Variants in DST observed in about 807,000 individuals in gnomAD.
DST encodes the protein dystonin.
Under a neutral mutation model 875.2 loss-of-function variants are expected in DST, and 253 were observed. That is an observed-to-expected ratio of 0.29 (90% confidence interval 0.26 to 0.32). The LOEUF is 0.32. Ranked by LOEUF, DST falls within the 10% of genes least tolerant of loss-of-function variation. The pLI, the probability that DST is intolerant of heterozygous loss-of-function variation, is 1.00. For missense variants in DST, 8,287 were observed against 9,111.6 expected, an observed-to-expected ratio of 0.91 and a Z score of 3.68; for synonymous variants, 3,124 against 3,197.1, an observed-to-expected ratio of 0.98 and a Z score of 0.77.
At chr6:56,698,201 C>T (rs1053661040) in intron 9 of DST, among the ~76,000 whole-genome samples, 1 of 152,154 alleles carries the variant, frequency 6.6e-6, no homozygotes, top group Non-Finnish European at 1.5e-5. Context: ...CCTAGACCTA[C>T]CTAGACTCTG....
chr6:56,867,042 C>G (rs559704474), intron 3 of DST, among the ~76,000 whole-genome samples: 199 of 152,288 alleles, frequency 1.3e-3, no homozygotes, highest in Non-Finnish European at 1.9e-3. Context: ...AGTCTCACAA[C>G]CCACAGTTAA....
Position 56,640,586 on chromosome 6 carries a change from C to T in DST, c.2047G>A (p.Glu683Lys), listed in dbSNP as rs781004024. 1.2e-5 allele frequency: 20 copies of T among 1,613,994 alleles called. No homozygotes were observed. The highest frequency in any genetic ancestry group is 4.0e-5 in the African/African-American group (3 of 74,910). The change falls in exon 18 of 104, where the codon GAA becomes AAA. Residue 683 changes from glutamate (E) to lysine (K), a missense_variant. Around this residue, in one of 10 missense-constraint regions of DST, gnomAD observed 1,160 missense variants for 1,424.3 expected, o/e 0.81. Transcript: ENST00000680361. ...LVQRVAKLRD[E>K]IMALRNECSS... ...CATTCGTTCCTTAAGGCCATAATTT[C>T]GTCACGCAGTTTTGCAACCCTGAAA...
At chr6:56,717,594 A>G (rs547704498) in intron 5 of DST, among the ~76,000 whole-genome samples, 7 of 152,348 alleles carry the variant, frequency 4.6e-5, no homozygotes, top group East Asian at 3.9e-4. Context: ...TCCTGCAGAT[A>G]GCATCACTAT....
intron 64 of DST, among the ~76,000 whole-genome samples, chr6:56,530,482 G>C (rs2096877305): frequency 6.6e-6 from 1 of 152,152 alleles, no homozygotes; most frequent in Non-Finnish European, 1.5e-5. Context: ...CACATATTCT[G>C]TGCCAGGCCC....
chr6:56,531,160 T>TC (rs1349053231), intron 64 of DST, among the ~76,000 whole-genome samples: 3 of 152,200 alleles, frequency 2.0e-5, no homozygotes, highest in African/African-American at 7.2e-5. Context: ...TGACCTTTTC[T>TC]TCTAAATTCA....
At chr6:56,569,640 CCTT>C (rs2097751304) in intron 54 of DST, among the ~76,000 whole-genome samples, 1 of 152,082 alleles carries the variant, frequency 6.6e-6, no homozygotes, top group Non-Finnish European at 1.5e-5. Context: ...CATTAATTCA[CCTT>C]TTTTTAAAAA....
At chr6:56,568,332 G>C in intron 55 of DST, 137 bp downstream of exon 55, 2 of 871,488 alleles carry the variant, frequency 2.3e-6, no homozygotes, top group Non-Finnish European at 3.4e-6. Context: ...TGTGCTTACA[G>C]ATGCCATGTT....
chr6:56,680,862 T>C (rs2099153758), intron 9 of DST, among the ~76,000 whole-genome samples: 1 of 152,194 alleles, frequency 6.6e-6, no homozygotes, highest in Non-Finnish European at 1.5e-5. Flanking sequence ...ACACTTCTAT[T>C]GCAATAGTAA....
At chr6:56,742,302 G>T in intron 4 of DST, 1 of 1,289,720 alleles carries the variant, frequency 7.8e-7, no homozygotes, top group Non-Finnish European at 1.0e-6. Flanking sequence ...CCAGCTTTGC[G>T]TTCCAATCTT....
intron 32 of DST, among the ~76,000 whole-genome samples, 154 bp from the exon 33 acceptor site, chr6:56,628,315 C>T (rs1363020191): frequency 6.6e-6 from 1 of 152,206 alleles, no homozygotes; most frequent in Admixed American, 6.5e-5. Flanking sequence ...CACCCTGAGG[C>T]ACACCCCCAA....
intron 8 of DST, 57 bp downstream of exon 8, chr6:56,701,831 C>A: frequency 3.7e-6 from 4 of 1,079,642 alleles, no homozygotes; most frequent in South Asian, 1.4e-5. Context: ...CATGTTTCTA[C>A]GTGGATGTAT....
intron 10 of DST, among the ~76,000 whole-genome samples, chr6:56,659,321 C>A (rs770456807): frequency 1.3e-5 from 2 of 152,090 alleles, no homozygotes; most frequent in Non-Finnish European, 2.9e-5. Flanking sequence ...AAGAAAAAGT[C>A]CAACAGGCAA....
At chr6:56,758,544 G>A (rs567980877) in intron 4 of DST, among the ~76,000 whole-genome samples, 5 of 152,286 alleles carry the variant, frequency 3.3e-5, no homozygotes, top group African/African-American at 9.6e-5. Context: ...TACAAGGGGG[G>A]CAGGTTGCTG....
At chr6:56,829,621 T>G (rs2099784771) in intron 4 of DST, among the ~76,000 whole-genome samples, 1 of 152,172 alleles carries the variant, frequency 6.6e-6, no homozygotes. Context: ...ATGAGATGTA[T>G]GCCATAAACA....
intron 4 of DST, among the ~76,000 whole-genome samples, chr6:56,735,622 C>T (rs949213068): frequency 1.3e-5 from 2 of 151,894 alleles, no homozygotes; most frequent in African/African-American, 4.8e-5. Flanking sequence ...TTCCCAAAGC[C>T]CTTTACCATA....
chr6:56,561,225 A>G (rs986179254), intron 57 of DST, 83 bp downstream of exon 57: 9 of 1,418,358 alleles, frequency 6.3e-6, no homozygotes, highest in Non-Finnish European at 8.5e-6. Flanking sequence ...AAAACAGAGC[A>G]GAGCTTCTGA....
chr6:56,497,867 C>G lies in DST; in HGVS notation c.20083G>C (p.Ala6695Pro). ...TEQRKQQLDG[A>P]LRQAKGFHGE... ...ATTCTCTTACTCACCTGGCGCAAGG[C>G]ACCATCCAGCTGCTGCTTCCTTTGT... The change falls in exon 81 of 104, where the codon GCC (alanine) becomes CCC (proline). Residue 6695 changes from alanine (A) to proline (P), a missense_variant. Ala to Pro is a conservative substitution (Grantham distance 27). This residue lies in a region of DST where 1,292 missense variants were observed against 1,552.7 expected (regional missense o/e 0.83). Coordinates refer to ENST00000680361, the MANE Select transcript of DST (RefSeq NM_001374736.1). The G allele has an allele frequency of 6.2e-7, 1 of 1,609,282 alleles. No homozygotes were observed. Among genetic ancestry groups the G allele is most frequent in the Non-Finnish European group, 8.5e-7 (1 of 1,177,328 alleles).
rs761961100 is a variant in DST, at chr6:56,572,783, T to C, written c.13518A>G (p.Pro4506=). Reference sequence around the variant, plus strand: ...GAGACAATTCAGTAACATCTTTTCCTGGCACATCTACTTCAGTAAGAGCCT... The same window carrying C: ...GAGACAATTCAGTAACATCTTTTCCCGGCACATCTACTTCAGTAAGAGCCT... The part of the protein sequence containing the change: ...KTQALTEVDV[P]GKDVTELSQY... Residue 4506 remains proline (P), a synonymous_variant, in exon 52 of 104, where the codon CCA becomes CCG. Transcript: ENST00000680361. The C allele has an allele frequency of 2.5e-6, 4 of 1,604,382 alleles. No homozygotes were observed. The highest frequency in any genetic ancestry group is 2.2e-5 in the South Asian group (2 of 88,984).
intron 3 of DST, among the ~76,000 whole-genome samples, chr6:56,898,409 G>T (rs1356130091): frequency 6.6e-6 from 1 of 152,168 alleles, no homozygotes; most frequent in Non-Finnish European, 1.5e-5. Flanking sequence ...TATGTAGAGG[G>T]CTTGTGAGAG....
Sources: gnomAD v4.1 joint callset for allele counts (sites outside exome capture counted in the v4.1 genomes callset) on GRCh38, gnomAD v4.1.1 for gene constraint, gnomAD v4.1.1 regional missense constraint, MANE v1.5 for transcripts, NCBI Gene and HGNC (gene_info 2026-07-23, HGNC 2026-07-21) for gene names.